Variants in CDYL2 observed in about 807,000 individuals in gnomAD.
The protein encoded by CDYL2 is chromodomain Y like 2, also known as chromodomain Y-like protein 2.
Under a neutral mutation model 49.4 loss-of-function variants are expected in CDYL2, and 23 were observed. The observed-to-expected ratio is 0.47, with a 90% CI of 0.34 to 0.66. CDYL2 has a LOEUF of 0.66. Among genes scored for constraint, CDYL2 ranks in the 30% least tolerant of loss-of-function variants. The probability of loss-of-function intolerance (pLI) is 0.01; values close to 1 mark genes in which losing one functional copy is unlikely to be tolerated. For synonymous variants in CDYL2, 360 were observed against 268.8 expected, an observed-to-expected ratio of 1.34 and a Z score of -3.32; for missense variants, 678 against 656.4, an observed-to-expected ratio of 1.03 and a Z score of -0.36.
At chr16:80,802,725 C>T (rs1907963390) in intron 1 of CDYL2, among the ~76,000 whole-genome samples, 1 of 152,200 alleles carries the variant, frequency 6.6e-6, no homozygotes, top group Admixed American at 6.5e-5. Flanking sequence ...AACATGGTCA[C>T]ACAGGAGACC....
chr16:80,683,820 G>A (rs552186738), intron 2 of CDYL2, among the ~76,000 whole-genome samples: 45 of 152,322 alleles, frequency 3.0e-4, no homozygotes, highest in Admixed American at 2.2e-3. Flanking sequence ...CCAGCTAAGA[G>A]GAACAGGCCC....
chr16:80,723,146 T>A (rs1358293750), intron 1 of CDYL2, among the ~76,000 whole-genome samples: 6 of 152,110 alleles, frequency 3.9e-5, no homozygotes, highest in African/African-American at 1.4e-4. Flanking sequence ...TGCACTTAGA[T>A]GTGTGGTCTA....
At chr16:80,675,257 C>T (rs7205488) in intron 2 of CDYL2, among the ~76,000 whole-genome samples, 4,189 of 152,262 alleles carry the variant, frequency 0.028, 191 homozygotes, top group African/African-American at 0.095. Flanking sequence ...TCCCCAGACC[C>T]GGCACCACAC....
intron 1 of CDYL2, among the ~76,000 whole-genome samples, chr16:80,705,355 C>T (rs989472193): frequency 2.6e-5 from 4 of 152,216 alleles, no homozygotes; most frequent in Admixed American, 2.0e-4. Context: ...GAACTATGAG[C>T]GATGCTAGAG....
At chr16:80,714,759 A>G (rs1904738683) in intron 1 of CDYL2, among the ~76,000 whole-genome samples, 1 of 152,212 alleles carries the variant, frequency 6.6e-6, no homozygotes, top group Non-Finnish European at 1.5e-5. Context: ...ACTAGCTCCA[A>G]GGCTCCTGAG....
At chr16:80,611,542 C>G (rs996989053) in intron 5 of CDYL2, among the ~76,000 whole-genome samples, 1 of 152,216 alleles carries the variant, frequency 6.6e-6, no homozygotes, top group Non-Finnish European at 1.5e-5. Flanking sequence ...GAACCCCTCC[C>G]TGGTCCTGAC....
rs116427083 is a variant in CDYL2, at chr16:80,652,646, C to T, written c.617-19410G>A. 3.9e-3 allele frequency among the ~76,000 whole-genome samples: 588 copies of T among 152,280 alleles called. 5 individuals carry two copies. Among genetic ancestry groups the T allele is most frequent in the African/African-American group, 0.013 (560 of 41,556 alleles). The stretch of plus-strand genomic sequence containing the variant: ...AACCCTACAGTGGAGAAACCTGACA[C>T]GCATACCTCAGCCAGGTGGTCACAG... On this transcript the variant is annotated intron_variant, in intron 2 of 6. Transcript: ENST00000570137.
intron 2 of CDYL2, among the ~76,000 whole-genome samples, chr16:80,650,436 T>A (rs1207998025): frequency 1.3e-5 from 2 of 152,160 alleles, no homozygotes; most frequent in African/African-American, 4.8e-5. Context: ...GCATTTTATG[T>A]AAAATGGCTT....
At chr16:80,673,134 A>G (rs1442421213) in intron 2 of CDYL2, among the ~76,000 whole-genome samples, 1 of 151,918 alleles carries the variant, frequency 6.6e-6, no homozygotes, top group Non-Finnish European at 1.5e-5. Flanking sequence ...CCTGGCCAAC[A>G]TGGTGAAACC....
In CDYL2 at chr16:80,640,728, T is replaced by C. The variant is rs570155323; in HGVS notation, c.617-7492A>G. 6.6e-5 allele frequency among the ~76,000 whole-genome samples: 10 copies of C among 152,188 alleles called. No homozygotes were observed. In the South Asian group the frequency reaches 1.9e-3, roughly 28 times the overall value. On this transcript the variant is annotated intron_variant, in intron 2 of 6. Coordinates refer to ENST00000570137, the MANE Select transcript of CDYL2 (RefSeq NM_152342.4). The stretch of plus-strand genomic sequence containing the variant: ...ACAGAGAAGGAATTCAGACTTCGAT[T>C]AGATAAATTTAACACGGAGATTGAA...
At chr16:80,803,434 G>T (rs948755618) in intron 1 of CDYL2, among the ~76,000 whole-genome samples, 1 of 151,918 alleles carries the variant, frequency 6.6e-6, no homozygotes, top group African/African-American at 2.4e-5. Flanking sequence ...CCTCCGCAGC[G>T]CCCCCTTTCG....
intron 1 of CDYL2, among the ~76,000 whole-genome samples, chr16:80,756,332 G>A (rs1478086254): frequency 6.6e-6 from 1 of 151,648 alleles, no homozygotes; most frequent in East Asian, 1.9e-4. Flanking sequence ...TCTATTTAAA[G>A]AAAATGAGAA....
At chr16:80,628,328 T>TC (rs1474137789) in intron 3 of CDYL2, 1 of 152,252 alleles carries the variant, frequency 6.6e-6, no homozygotes, top group East Asian at 1.9e-4. Context: ...CAGGTCATCT[T>TC]CAGGAGGAGA....
intron 6 of CDYL2, 76 bp downstream of exon 6, chr16:80,608,016 C>G: frequency 6.8e-7 from 1 of 1,461,000 alleles, no homozygotes; most frequent in Non-Finnish European, 9.1e-7. Flanking sequence ...TCAGTGAAGC[C>G]CTCTGAGCCT....
intron 1 of CDYL2, among the ~76,000 whole-genome samples, chr16:80,794,707 G>C (rs1265321469): frequency 6.8e-6 from 1 of 148,040 alleles, no homozygotes; most frequent in East Asian, 2.0e-4. Context: ...CACCTCCCAG[G>C]TTCAAGCGAT....
chr16:80,766,703 G>T (rs1906737953), intron 1 of CDYL2, among the ~76,000 whole-genome samples: 1 of 152,168 alleles, frequency 6.6e-6, no homozygotes, highest in Admixed American at 6.5e-5. Flanking sequence ...CAGATAGATA[G>T]ATCATATATC....
chr16:80,738,934 T>C (rs1463207239), intron 1 of CDYL2, among the ~76,000 whole-genome samples: 2 of 152,238 alleles, frequency 1.3e-5, no homozygotes, highest in African/African-American at 4.8e-5. Context: ...CTACATGCTT[T>C]GACCACTATT....
intron 1 of CDYL2, among the ~76,000 whole-genome samples, chr16:80,699,260 T>A (rs184576024): frequency 1.3e-5 from 2 of 152,172 alleles, no homozygotes; most frequent in Non-Finnish European, 2.9e-5. Context: ...CCAACCTAAG[T>A]GTCCATCAAC....
chr16:80,621,423 TG>T lies in CDYL2; in HGVS notation c.835-489del, dbSNP rs112341501. Among the ~76,000 whole-genome samples the T allele has an allele frequency of 3.2e-3, 484 of 152,338 alleles. 4 individuals carry two copies. Among genetic ancestry groups the T allele is most frequent in the African/African-American group, 0.011 (458 of 41,586 alleles). ...CGGCCTGCAGGTGCCACATGGCAAG[TG>T]GGCTTTGGCATCAGATCCAGACCTG... On this transcript the variant is annotated intron_variant, in intron 3 of 6. Coordinates refer to ENST00000570137, the MANE Select transcript of CDYL2 (RefSeq NM_152342.4).
Sources: allele counts gnomAD v4.1 joint callset (sites outside exome capture counted in the v4.1 genomes callset), GRCh38; gene constraint gnomAD v4.1.1; transcripts MANE v1.5; gene names NCBI Gene and HGNC (gene_info 2026-07-23, HGNC 2026-07-21).